The following PPP1R1C variants were observed in gnomAD, a reference collection of about 807,000 sequenced individuals.
PPP1R1C encodes protein phosphatase 1 regulatory inhibitor subunit 1C.
Under a neutral mutation model 17.4 loss-of-function variants are expected in PPP1R1C, and 15 were observed. That is an observed-to-expected ratio of 0.86 (90% CI 0.58 to 1.33). The LOEUF is 1.33. Ranked by LOEUF, PPP1R1C falls within the 40% of genes most tolerant of loss-of-function variation. The pLI is 0.00. For synonymous variants in PPP1R1C, 35 were observed against 43.1 expected (o/e 0.81, Z 0.73); for missense variants, 143 against 130.0 (o/e 1.10, Z -0.48).
intron 1 of PPP1R1C, among the ~76,000 whole-genome samples, chr2:181,987,209 G>A (rs759752651): frequency 2.0e-5 from 3 of 151,540 alleles, no homozygotes; most frequent in Non-Finnish European, 4.4e-5. Context: ...AACAAATAAA[G>A]GATATTATAT....
intron 4 of PPP1R1C, among the ~76,000 whole-genome samples, chr2:182,107,096 C>T (rs1267342614): frequency 1.3e-5 from 2 of 152,168 alleles, no homozygotes; most frequent in African/African-American, 4.8e-5. Context: ...CTTTTTGGGG[C>T]ACACAATTCA....
intron 2 of PPP1R1C, among the ~76,000 whole-genome samples, chr2:182,044,346 C>T (rs1257154197): frequency 6.6e-6 from 1 of 152,030 alleles, no homozygotes; most frequent in Admixed American, 6.6e-5. Flanking sequence ...AATCTTCAAC[C>T]CCTTCTCTCT....
At chr2:181,983,864 T>G (rs183298736), upstream of PPP1R1C, among the ~76,000 whole-genome samples, 1 of 152,224 alleles carries the variant, frequency 6.6e-6, no homozygotes, top group East Asian at 1.9e-4. Context: ...CAATGATACT[T>G]AACTGAATCT....
At position 182,014,453 on chromosome 2, in the gene PPP1R1C, C is replaced by T. The variant is rs181515582; in HGVS notation, c.142+26554C>T. On this transcript the variant is annotated intron_variant, in intron 2 of 4. Transcript: ENST00000682840. ...AGAACTCTGGGAGAAGTGATGCAGG[C>T]GTCGTGTGGCCACCACTGGGACTGC... 2.2e-3 allele frequency among the ~76,000 whole-genome samples: 328 copies of T among 151,270 alleles called. 1 individual carries two copies. The highest frequency in any genetic ancestry group is 5.8e-3 in the African/African-American group (238 of 41,174).
At chr2:181,971,563 A>G (rs1193318245) in intron 1 of PPP1R1C, among the ~76,000 whole-genome samples, 2 of 152,008 alleles carry the variant, frequency 1.3e-5, no homozygotes, top group East Asian at 3.9e-4. Flanking sequence ...TCCCTTGGCC[A>G]CCCCAGCTGG....
chr2:181,968,527 G>C (rs1448363493), intron 1 of PPP1R1C, among the ~76,000 whole-genome samples: 1 of 151,978 alleles, frequency 6.6e-6, no homozygotes. Context: ...TTCTATTTTG[G>C]TTTCCATTTA....
downstream of PPP1R1C, among the ~76,000 whole-genome samples, chr2:182,119,010 C>T (rs1309842694): frequency 2.0e-5 from 3 of 151,884 alleles, no homozygotes; most frequent in Non-Finnish European, 2.9e-5. Flanking sequence ...TGCATTAACT[C>T]GTCATTTAAC....
intron 2 of PPP1R1C, among the ~76,000 whole-genome samples, chr2:182,026,259 G>T (rs1051261320): frequency 3.3e-5 from 4 of 121,166 alleles, no homozygotes; most frequent in Non-Finnish European, 6.9e-5. Flanking sequence ...ATTGCTTTTG[G>T]TGTTTTGGAC....
chr2:182,077,694 T>A (rs1055102615), intron 4 of PPP1R1C, among the ~76,000 whole-genome samples: 4 of 152,170 alleles, frequency 2.6e-5, no homozygotes, highest in Non-Finnish European at 5.9e-5. Context: ...CTAGGAGAGT[T>A]TTTATCCCTT....
chr2:181,969,400 A>G (rs79559984), intron 1 of PPP1R1C, among the ~76,000 whole-genome samples: 2,143 of 152,104 alleles, frequency 0.014, 44 homozygotes, highest in African/African-American at 0.048. Flanking sequence ...TTCTTTTAGC[A>G]CTTTATATAT....
intron 4 of PPP1R1C, chr2:182,064,265 T>A (rs906489543): frequency 1.9e-5 from 3 of 156,164 alleles, no homozygotes; most frequent in African/African-American, 4.8e-5. Flanking sequence ...TCACTGTACA[T>A]GTAACTACTG....
chr2:182,125,037 T>A (rs558802049), intron 5 of PPP1R1C, among the ~76,000 whole-genome samples: 420 of 152,336 alleles, frequency 2.8e-3, no homozygotes, highest in African/African-American at 9.7e-3. Context: ...TGTGGATTTC[T>A]CATAAATAGC....
At chr2:182,115,216 C>T (rs887897414) in intron 4 of PPP1R1C, among the ~76,000 whole-genome samples, 6 of 152,086 alleles carry the variant, frequency 3.9e-5, no homozygotes, top group African/African-American at 1.4e-4. Context: ...ACCCCAAGAC[C>T]TTGGTGCCAG....
At chr2:182,021,405 G>A (rs1559059340) in intron 2 of PPP1R1C, among the ~76,000 whole-genome samples, 2 of 134,878 alleles carry the variant, frequency 1.5e-5, no homozygotes, top group Non-Finnish European at 1.5e-5. Flanking sequence ...TCATCTCACT[G>A]CAACCTCCGC....
chr2:182,062,600 G>C (rs1487877768), intron 3 of PPP1R1C, among the ~76,000 whole-genome samples: 1 of 151,994 alleles, frequency 6.6e-6, no homozygotes, highest in African/African-American at 2.4e-5. Context: ...TACACTATTT[G>C]CTCATCTGCT....
At chr2:181,981,743 G>A (rs1422478130), upstream of PPP1R1C, among the ~76,000 whole-genome samples, 1 of 152,160 alleles carries the variant, frequency 6.6e-6, no homozygotes, top group African/African-American at 2.4e-5. Context: ...TTTGATGGAG[G>A]AAATGAATGA....
chr2:182,039,779 T>C (rs1442232691), intron 2 of PPP1R1C, among the ~76,000 whole-genome samples: 1 of 152,188 alleles, frequency 6.6e-6, no homozygotes, highest in Admixed American at 6.5e-5. Flanking sequence ...GTACCCAATA[T>C]GTAGTTTTTA....
intron 2 of PPP1R1C, among the ~76,000 whole-genome samples, chr2:181,993,765 C>A (rs1685533921): frequency 6.6e-6 from 1 of 152,012 alleles, no homozygotes; most frequent in South Asian, 2.1e-4. Flanking sequence ...TCCCTTAACT[C>A]TTCAGTATGT....
At chr2:182,012,079 G>A (rs1049946731) in intron 2 of PPP1R1C, among the ~76,000 whole-genome samples, 2 of 151,948 alleles carry the variant, frequency 1.3e-5, no homozygotes, top group African/African-American at 4.8e-5. Context: ...AGAAGAAGAA[G>A]GTGTATTTTA....
Sources: allele counts gnomAD v4.1 joint callset (sites outside exome capture counted in the v4.1 genomes callset), GRCh38; gene constraint gnomAD v4.1.1; transcripts MANE v1.5; gene names NCBI Gene and HGNC (gene_info 2026-07-23, HGNC 2026-07-21).